The following NEK6 variants were observed in gnomAD, a reference collection of about 807,000 sequenced individuals.
The protein encoded by NEK6 is NIMA related kinase 6.
Under a neutral mutation model 43.5 loss-of-function variants are expected in NEK6, and 27 were observed. The ratio of observed to expected loss-of-function variants is 0.62; its 90% CI spans 0.46 to 0.86. The LOEUF (loss-of-function observed/expected upper bound fraction) is 0.86, where lower values mean the gene tolerates loss of function less well. NEK6 is among the 40% of genes least tolerant of loss of function. The pLI is 0.00. For synonymous variants in NEK6, 167 were observed against 164.1 expected (o/e 1.02, Z -0.14); for missense variants, 318 against 414.4 (o/e 0.77, Z 2.02).
rs767519432 is a variant in NEK6, at chr9:124,326,780, CA to C, written c.514+343del. On this transcript the variant is annotated intron_variant, in intron 6 of 9. Coordinates refer to ENST00000320246, the MANE Select transcript of NEK6 (RefSeq NM_014397.6). This position sits in a 1 kb window ranked among gnomAD's most constrained non-coding sequence, Gnocchi z 4.5. ...AGCGGGCTGGGCTGAGAAGGGGAGG[CA>C]CCTGAGAGGGGTGTTTCCACAGTTG... 3.3e-5 allele frequency among the ~76,000 whole-genome samples: 5 copies of C among 152,270 alleles called. No homozygotes were observed. In the East Asian group the frequency reaches 9.7e-4, roughly 29 times the overall value.
chr9:124,299,760 GACA>G (rs1286617443), intron 1 of NEK6, among the ~76,000 whole-genome samples: 3 of 152,128 alleles, frequency 2.0e-5, no homozygotes, highest in South Asian at 2.1e-4. Context: ...AGACTAAAAA[GACA>G]ACAAGAGACC....
chr9:124,339,500 CA>C, intron 7 of NEK6, 70 bp from the exon 8 acceptor site: 1 of 1,106,948 alleles, frequency 9.0e-7, no homozygotes, highest in Non-Finnish European at 1.4e-6. Flanking sequence ...GCCCTCCCTC[CA>C]ACCTCACCTC....
At chr9:124,342,901 C>A (rs1332956398) in intron 8 of NEK6, among the ~76,000 whole-genome samples, 1 of 152,206 alleles carries the variant, frequency 6.6e-6, no homozygotes, top group South Asian at 2.1e-4. Flanking sequence ...GGGCTGGGGC[C>A]GGGAGGCCAG....
intron 1 of NEK6, among the ~76,000 whole-genome samples, chr9:124,263,364 G>A (rs1184012347): frequency 6.6e-6 from 1 of 152,216 alleles, no homozygotes; most frequent in East Asian, 1.9e-4. Context: ...TTGAGAGCCT[G>A]AGCCTGGGCA....
At chr9:124,332,096 G>A (rs937515800) in intron 7 of NEK6, among the ~76,000 whole-genome samples, 1 of 152,240 alleles carries the variant, frequency 6.6e-6, no homozygotes, top group African/African-American at 2.4e-5. Flanking sequence ...GAGGGAAGGA[G>A]AGGGAAGGGC....
At chr9:124,344,397 GTTGCTGGCGCT>G (rs1829808325) in intron 8 of NEK6, among the ~76,000 whole-genome samples, 2 of 152,246 alleles carry the variant, frequency 1.3e-5, no homozygotes, top group South Asian at 2.1e-4. Flanking sequence ...GGCCACCGGA[GTTGCTGGCGCT>G]GACCCCAGCT....
intron 1 of NEK6, chr9:124,293,057 T>A (rs1281235939): frequency 6.9e-7 from 1 of 1,439,002 alleles, no homozygotes; most frequent in Non-Finnish European, 9.2e-7. Context: ...GTCTCTGGGA[T>A]GGTGGGCCTG....
Position 124,292,619 on chromosome 9 carries a change from G to C in NEK6, c.-29-9317G>C, listed in dbSNP as rs946550460. On this transcript the variant is annotated intron_variant, in intron 1 of 9. Coordinates refer to ENST00000320246, the MANE Select transcript of NEK6 (RefSeq NM_014397.6). ...TCCTTCTTCCACTGTCAGTCAGCAG[G>C]GTAGTAGCTGCGGTTCTGCTCTGAA... 2.0e-6 allele frequency: 3 copies of C among 1,498,318 alleles called. No homozygotes were observed. The South Asian group carries it at 3.6e-5, about 18-fold the overall frequency. The allele number at this position is 1,498,318 out of a possible 1,614,324, so 92.8% of individuals were successfully genotyped here. A position where few individuals can be genotyped will look rare whatever the true frequency, so the allele number is the denominator to read the frequency against.
chr9:124,328,461 CCT>C (rs967208328), intron 7 of NEK6, among the ~76,000 whole-genome samples: 9 of 152,164 alleles, frequency 5.9e-5, no homozygotes, highest in African/African-American at 1.9e-4. Context: ...AGGCCCACCC[CCT>C]GTGTGCTGTG....
At chr9:124,325,287 A>G (rs1300778803) in intron 5 of NEK6, among the ~76,000 whole-genome samples, 1 of 152,154 alleles carries the variant, frequency 6.6e-6, no homozygotes, top group African/African-American at 2.4e-5. Context: ...CCTGTCTGTA[A>G]GATGGGCCTA....
At chr9:124,291,130 G>A (rs957961474) in intron 1 of NEK6, among the ~76,000 whole-genome samples, 6 of 152,214 alleles carry the variant, frequency 3.9e-5, no homozygotes, top group African/African-American at 1.2e-4. Flanking sequence ...CTCGTGCAAT[G>A]TCATGTAACC....
At chr9:124,287,821 T>G (rs964509779) in intron 1 of NEK6, among the ~76,000 whole-genome samples, 3 of 151,276 alleles carry the variant, frequency 2.0e-5, no homozygotes, top group African/African-American at 7.3e-5. Flanking sequence ...TGACACTGTC[T>G]CAAAAAAGAA....
chr9:124,286,214 T>C (rs964117004), intron 1 of NEK6, among the ~76,000 whole-genome samples: 4 of 152,250 alleles, frequency 2.6e-5, no homozygotes, highest in African/African-American at 9.6e-5. Context: ...GTTGCAATTC[T>C]ATTCAGCTGT....
chr9:124,282,664 G>A (rs377089926), intron 1 of NEK6, among the ~76,000 whole-genome samples: 2 of 151,482 alleles, frequency 1.3e-5, no homozygotes, highest in Admixed American at 6.9e-5. Flanking sequence ...TCAGGGGCAC[G>A]GGAGGGCCGG....
rs115565701 is a variant in NEK6, at chr9:124,312,686, G to A, written c.231+37G>A. The A allele has an allele frequency of 2.7e-3, 4,337 of 1,588,814 alleles. 103 individuals are homozygous for A. In the African/African-American group the frequency reaches 0.052, roughly 19 times the overall value. On this transcript the variant is annotated intron_variant, in intron 3 of 9. Coordinates refer to ENST00000320246, the MANE Select transcript of NEK6 (RefSeq NM_014397.6). ...ACCCGTGGGGTCAAACCTGCATCTC[G>A]GGAGGTGGTCTCTGCATCTGGACGG...
chr9:124,316,623 G>A (rs1382806896), intron 4 of NEK6, among the ~76,000 whole-genome samples: 1 of 152,190 alleles, frequency 6.6e-6, no homozygotes, highest in Non-Finnish European at 1.5e-5. Context: ...TGGACTCCAT[G>A]TGGACCAGGT....
Position 124,326,851 on chromosome 9 carries a change from A to G in NEK6, c.514+413A>G, listed in dbSNP as rs1001292182. Reference sequence around the variant, plus strand: ...GAAAGGAGCCTGCTGGGTGCCCGGCAGGGCACGAGGTCCTTTACGTAGGCT... The same window carrying G: ...GAAAGGAGCCTGCTGGGTGCCCGGCGGGGCACGAGGTCCTTTACGTAGGCT... On this transcript the variant is annotated intron_variant, in intron 6 of 9. Coordinates refer to ENST00000320246, the MANE Select transcript of NEK6 (RefSeq NM_014397.6). This position sits in a 1 kb window ranked among gnomAD's most constrained non-coding sequence, Gnocchi z 4.5. 7.9e-5 allele frequency among the ~76,000 whole-genome samples: 12 copies of G among 152,152 alleles called. No homozygotes were observed. The highest frequency in any genetic ancestry group is 2.9e-4 in the African/African-American group (12 of 41,440).
chr9:124,257,804 A>G, upstream of NEK6: 1 of 1,384,016 alleles, frequency 7.2e-7, no homozygotes, highest in Non-Finnish European at 9.6e-7. Flanking sequence ...AACTCGGCGG[A>G]GTCGAGGGGT....
Position 124,340,317 on chromosome 9 carries a change from G to A in NEK6, c.717+652G>A, listed in dbSNP as rs1410080481. Among the ~76,000 whole-genome samples the A allele has an allele frequency of 3.3e-5, 5 of 152,336 alleles. No homozygotes were observed. In the East Asian group the frequency reaches 9.6e-4, roughly 29 times the overall value. ...GTCCAGCCACACTGGGGCCCCAGGT[G>A]ATGAGAGGTGTGGGGAGCATGAGCC... is the stretch of plus-strand genomic sequence containing the variant. On this transcript the variant is annotated intron_variant, in intron 8 of 9. Transcript: ENST00000320246.
Sources: gnomAD v4.1 joint callset for allele counts (sites outside exome capture counted in the v4.1 genomes callset) on GRCh38, gnomAD v4.1.1 for gene constraint, Gnocchi (gnomAD v3.1) non-coding constraint, MANE v1.5 for transcripts, NCBI Gene and HGNC (gene_info 2026-07-23, HGNC 2026-07-21) for gene names.